The following RUFY2 variants were observed in gnomAD, a reference collection of about 807,000 sequenced individuals.
RUFY2 encodes RUN and FYVE domain-containing protein 2.
RUFY2 carries 49 observed loss-of-function variants against 94.4 expected under a neutral mutation model. The ratio of observed to expected loss-of-function variants is 0.52; its 90% confidence interval spans 0.41 to 0.66. The LOEUF (loss-of-function observed/expected upper bound fraction) is 0.66, where lower values mean the gene tolerates loss of function less well. RUFY2 is among the 30% of genes least tolerant of loss of function. The pLI, the probability that RUFY2 is intolerant of heterozygous loss-of-function variation, is 0.00. For missense variants in RUFY2, 541 were observed against 692.8 expected, an observed-to-expected ratio of 0.78 and a Z score of 2.46; for synonymous variants, 255 against 235.7, an observed-to-expected ratio of 1.08 and a Z score of -0.75.
In RUFY2 at chr10:68,377,779, T is replaced by C. The variant is rs1013016043; in HGVS notation, c.1206-807A>G. On this transcript the variant is annotated intron_variant, in intron 12 of 17. Coordinates refer to ENST00000602465, the MANE Select transcript of RUFY2 (RefSeq NM_001330103.2). ...TTTTATAAGAAAATATTTACCAAGA[T>C]TCAAAGGATATTAACTCCTTGCAGG... The C allele has an allele frequency of 4.1e-6, 4 of 984,644 alleles. No individual in the cohort carries two copies. The African/African-American group carries it at 5.2e-5, about 13-fold the overall frequency. The allele number at this position is 984,644 out of a possible 1,614,324, so 61.0% of individuals were successfully genotyped here. A position where few individuals can be genotyped will look rare whatever the true frequency, so the allele number is the denominator to read the frequency against.
At chr10:68,385,458 A>G (rs1044384728) in intron 8 of RUFY2, among the ~76,000 whole-genome samples, 7 of 152,158 alleles carry the variant, frequency 4.6e-5, no homozygotes, top group African/African-American at 1.7e-4. Flanking sequence ...AACAGAGCAC[A>G]TGGGATGAGC....
chr10:68,382,309 G>A (rs1304682666), intron 10 of RUFY2, among the ~76,000 whole-genome samples: 3 of 150,816 alleles, frequency 2.0e-5, no homozygotes, highest in Admixed American at 6.7e-5. Context: ...ACCAGCCTCC[G>A]CCTCCCAAAG....
intron 13 of RUFY2, among the ~76,000 whole-genome samples, chr10:68,370,259 TGG>T (rs1424042594): frequency 1.3e-5 from 2 of 152,092 alleles, no homozygotes; most frequent in African/African-American, 2.4e-5. Flanking sequence ...CACTCCAGCC[TGG>T]GCAACAGAGC....
At position 68,376,931 on chromosome 10, in the gene RUFY2, T is replaced by C; in HGVS notation, c.1247A>G (p.Glu416Gly). 1.2e-6 allele frequency: 2 copies of C among 1,613,756 alleles called. No individual in the cohort carries two copies. Among genetic ancestry groups the C allele is most frequent in the Middle Eastern group, 1.7e-4 (1 of 6,060 alleles). Reference protein sequence around the residue: ...AEKAQMEAEDEDEKYLQECLS... With the variant: ...AEKAQMEAEDGDEKYLQECLS... ...ACATTCTTGTAGATATTTCTCATCC[T>C]CATCTTCAGCTTCCATTTGCGCCTT... The change falls in exon 13 of 18, where the codon GAG becomes GGG. Residue 416 changes from glutamate to glycine, a missense_variant. By Grantham distance (98) the Glu-to-Gly change is moderately conservative (BLOSUM62 -2). Coordinates refer to ENST00000602465, the MANE Select transcript of RUFY2 (RefSeq NM_001330103.2).
intron 3 of RUFY2, among the ~76,000 whole-genome samples, chr10:68,398,872 T>TCTGG (rs2050600133): frequency 6.6e-6 from 1 of 152,100 alleles, no homozygotes; most frequent in South Asian, 2.1e-4. Context: ...TATTGTAGAG[T>TCTGG]CTGGCTTTTT....
Position 68,374,351 on chromosome 10 carries a change from C to T in RUFY2, c.1325+2502G>A, listed in dbSNP as rs369843434. 1.0e-3 allele frequency among the ~76,000 whole-genome samples: 159 copies of T among 151,882 alleles called. 1 individual carries two copies. Among genetic ancestry groups the T allele is most frequent in the South Asian group, 3.1e-3 (15 of 4,814 alleles). The stretch of plus-strand genomic sequence containing the variant: ...ATGGAAAAATATACACTTTAATCAA[C>T]GGAAAGCAGGAGTCACTATATTAAT... On this transcript the variant is annotated intron_variant, in intron 13 of 17. Coordinates refer to ENST00000602465, the MANE Select transcript of RUFY2 (RefSeq NM_001330103.2).
At chr10:68,399,336 C>T (rs1234230791) in intron 3 of RUFY2, among the ~76,000 whole-genome samples, 1 of 152,148 alleles carries the variant, frequency 6.6e-6, no homozygotes, top group Non-Finnish European at 1.5e-5. Context: ...TGAGCCACCA[C>T]ACCCAGCCAC....
rs1054474240 is a variant in RUFY2, at chr10:68,357,117, G to A, written c.1551-1716C>T. Reference sequence around the variant, plus strand: ...GGGGAAGCAGAGATTGCACTGAGCCGAGATCGTGCCACTGCACTCCTGGGT... The same window carrying A: ...GGGGAAGCAGAGATTGCACTGAGCCAAGATCGTGCCACTGCACTCCTGGGT... On this transcript the variant is annotated intron_variant, in intron 15 of 17. Transcript: ENST00000602465. 5.9e-5 allele frequency among the ~76,000 whole-genome samples: 9 copies of A among 151,750 alleles called. No homozygotes were observed. In the East Asian group the frequency reaches 6.0e-4, roughly 10 times the overall value.
At chr10:68,380,214 A>C (rs2048957398) in intron 11 of RUFY2, among the ~76,000 whole-genome samples, 1 of 151,350 alleles carries the variant, frequency 6.6e-6, no homozygotes, top group Non-Finnish European at 1.5e-5. Flanking sequence ...TGCTAGGATT[A>C]CAGCATGAGC....
In RUFY2 at chr10:68,376,916, A is replaced by T; in HGVS notation, c.1262T>A (p.Leu421Gln). The T allele has an allele frequency of 5.6e-6, 9 of 1,613,798 alleles. No individual in the cohort carries two copies. The highest frequency in any genetic ancestry group is 1.3e-5 in the African/African-American group (1 of 75,034). ...ATCAGATTTACTGAGACATTCTTGT[A>T]GATATTTCTCATCCTCATCTTCAGC... The part of the protein sequence containing the change: ...MEAEDEDEKY[L>Q]QECLSKSDSL... Residue 421 changes from leucine (L) to glutamine (Q), a missense_variant, in exon 13 of 18, where the codon CTA (leucine) becomes CAA (glutamine). Leu to Gln is a moderately radical substitution (Grantham distance 113). Transcript: ENST00000602465.
intron 13 of RUFY2, among the ~76,000 whole-genome samples, chr10:68,366,739 AATAT>A (rs35377318): frequency 5.9e-5 from 7 of 117,862 alleles, no homozygotes; most frequent in African/African-American, 2.1e-4. Flanking sequence ...GAGACTCTAA[AATAT>A]ATATATATAT....
intron 15 of RUFY2, among the ~76,000 whole-genome samples, chr10:68,358,991 G>A (rs181985363): frequency 1.4e-4 from 22 of 152,076 alleles, no homozygotes; most frequent in Admixed American, 1.2e-3. Context: ...TCATAAATAA[G>A]GACTCAAAAA....
intron 7 of RUFY2, among the ~76,000 whole-genome samples, chr10:68,388,435 C>G (rs1377876523): frequency 1.3e-5 from 2 of 152,154 alleles, no homozygotes; most frequent in African/African-American, 4.8e-5. Flanking sequence ...TGCATTCCAG[C>G]CTGGGCGACA....
chr10:68,401,191 T>C (rs2050819369), intron 3 of RUFY2, among the ~76,000 whole-genome samples: 1 of 152,218 alleles, frequency 6.6e-6, no homozygotes, highest in African/African-American at 2.4e-5. Flanking sequence ...AGCAAAGAAA[T>C]GTACACCAGT....
chr10:68,382,249 G>T (rs1164329703), intron 10 of RUFY2, among the ~76,000 whole-genome samples: 2 of 150,710 alleles, frequency 1.3e-5, no homozygotes, highest in East Asian at 4.0e-4. Context: ...GTACAGACAG[G>T]GTTTCACCAT....
At position 68,344,294 on chromosome 10, in the gene RUFY2, C is replaced by A. The variant is rs561722489; in HGVS notation, c.*1474G>T. ...AGATCCTGCAGTATTAATAAGAACT[C>A]CTTTGTAGGCAGGGAGGTACCTAGG... On this transcript the variant is annotated 3_prime_UTR_variant, in exon 18 of 18. Transcript: ENST00000602465. The A allele has an allele frequency of 1.3e-5, 2 of 152,132 alleles. No homozygotes were observed. The highest frequency in any genetic ancestry group is 2.9e-5 in the Non-Finnish European group (2 of 68,032). 9.4% of individuals were successfully genotyped at this position (152,132 alleles called of 1,614,324 possible).
intron 15 of RUFY2, among the ~76,000 whole-genome samples, chr10:68,361,718 T>C (rs1159780291): frequency 1.3e-5 from 2 of 152,230 alleles, no homozygotes; most frequent in Admixed American, 1.3e-4. Context: ...GGTTGCATTA[T>C]CTCTTAATGG....
chr10:68,365,084 T>G (rs2047713367), intron 13 of RUFY2, among the ~76,000 whole-genome samples: 1 of 152,138 alleles, frequency 6.6e-6, no homozygotes, highest in Non-Finnish European at 1.5e-5. Flanking sequence ...GTGTTAATAT[T>G]TAGATTATTT....
At chr10:68,365,133 C>T (rs768082984) in intron 13 of RUFY2, among the ~76,000 whole-genome samples, 1 of 151,878 alleles carries the variant, frequency 6.6e-6, no homozygotes, top group Non-Finnish European at 1.5e-5. Flanking sequence ...CACATACAGC[C>T]ATATATTTTT....
Sources: allele counts gnomAD v4.1 joint callset (sites outside exome capture counted in the v4.1 genomes callset), GRCh38; gene constraint gnomAD v4.1.1; transcripts MANE v1.5; gene names NCBI Gene and HGNC (gene_info 2026-07-23, HGNC 2026-07-21).